Variants in LRRC4C observed in about 807,000 individuals in gnomAD.
The protein encoded by LRRC4C is leucine rich repeat containing 4C, also known as leucine-rich repeat-containing protein 4C.
A neutral mutation model predicts 33.6 loss-of-function variants in LRRC4C; 5 were observed. The observed-to-expected ratio is 0.15, with a 90% CI of 0.08 to 0.31. The LOEUF is 0.31. Ranked by LOEUF, LRRC4C falls within the 10% of genes least tolerant of loss-of-function variation. LRRC4C has a pLI of 1.00. For synonymous variants in LRRC4C, 329 were observed against 302.0 expected (o/e 1.09, Z -0.93); for missense variants, 560 against 796.7 (o/e 0.70, Z 3.58).
intron 1 of LRRC4C, among the ~76,000 whole-genome samples, chr11:41,284,523 T>C (rs1949763547): frequency 6.6e-6 from 1 of 152,150 alleles, no homozygotes; most frequent in Non-Finnish European, 1.5e-5. Flanking sequence ...ATTACACATA[T>C]TGCTAATTAC....
chr11:40,331,710 T>C (rs779215559), intron 3 of LRRC4C, among the ~76,000 whole-genome samples: 4 of 152,150 alleles, frequency 2.6e-5, no homozygotes, highest in Non-Finnish European at 5.9e-5. Flanking sequence ...GACATGCATC[T>C]TCTCCTGCCG....
chr11:41,126,222 A>G (rs922631633), intron 1 of LRRC4C, among the ~76,000 whole-genome samples: 1 of 151,998 alleles, frequency 6.6e-6, no homozygotes, highest in South Asian at 2.1e-4. Flanking sequence ...AAAAATTGTC[A>G]TTTTTTAAGT....
At chr11:41,204,367 C>T (rs975081150) in intron 1 of LRRC4C, among the ~76,000 whole-genome samples, 1 of 152,176 alleles carries the variant, frequency 6.6e-6, no homozygotes, top group Admixed American at 6.5e-5. Flanking sequence ...GAACAGTTAA[C>T]CTCTTGGGTG....
intron 5 of LRRC4C, among the ~76,000 whole-genome samples, chr11:40,158,825 C>T (rs1266769120): frequency 6.6e-6 from 1 of 152,080 alleles, no homozygotes; most frequent in Non-Finnish European, 1.5e-5. Context: ...TAAATGAATG[C>T]TACTGTCTTC....
chr11:41,336,435 A>C (rs2137421951), intron 1 of LRRC4C, among the ~76,000 whole-genome samples: 1 of 122,492 alleles, frequency 8.2e-6, no homozygotes, highest in Middle Eastern at 4.2e-3. Context: ...AAAAAATAAA[A>C]GGTGGGGAAA....
chr11:40,154,534 A>T lies in LRRC4C; in HGVS notation c.-95-13681T>A, dbSNP rs569205661. Reference sequence around the variant, plus strand: ...GGGTGGAAAAAGCAAATGAACACCAAAAGTGAGCCAGGGTAGTTATTCCTA... The same window carrying T: ...GGGTGGAAAAAGCAAATGAACACCATAAGTGAGCCAGGGTAGTTATTCCTA... On this transcript the variant is annotated intron_variant, in intron 5 of 6. Coordinates refer to ENST00000528697, the MANE Select transcript of LRRC4C (RefSeq NM_001258419.2). Among the ~76,000 whole-genome samples the T allele has an allele frequency of 2.0e-5, 3 of 152,338 alleles. No homozygotes were observed. In the East Asian group the frequency reaches 5.8e-4, roughly 29 times the overall value.
intron 5 of LRRC4C, among the ~76,000 whole-genome samples, chr11:40,161,712 G>A (rs1263979897): frequency 5.3e-5 from 8 of 152,026 alleles, no homozygotes; most frequent in South Asian, 4.1e-4. Context: ...AGCCGAGATC[G>A]CGCCACTGCA....
chr11:40,996,667 T>C (rs1853996369), intron 1 of LRRC4C, among the ~76,000 whole-genome samples: 1 of 152,138 alleles, frequency 6.6e-6, no homozygotes, highest in Non-Finnish European at 1.5e-5. Flanking sequence ...CTGCAGAGTG[T>C]ACAAGAAGCA....
chr11:40,792,653 T>G (rs1013324322), intron 2 of LRRC4C, among the ~76,000 whole-genome samples: 1 of 152,074 alleles, frequency 6.6e-6, no homozygotes, highest in African/African-American at 2.4e-5. Flanking sequence ...ACCCAAAGGA[T>G]TATAAATCAT....
At chr11:41,217,120 A>T (rs941001052) in intron 1 of LRRC4C, among the ~76,000 whole-genome samples, 1 of 152,188 alleles carries the variant, frequency 6.6e-6, no homozygotes, top group African/African-American at 2.4e-5. Context: ...TTATATGGAC[A>T]GTGAGTTTGG....
At chr11:41,139,218 A>C (rs1943397607) in intron 1 of LRRC4C, among the ~76,000 whole-genome samples, 1 of 152,216 alleles carries the variant, frequency 6.6e-6, no homozygotes, top group Admixed American at 6.5e-5. Context: ...TTTTCAGTTA[A>C]GAATAACAAC....
intron 3 of LRRC4C, among the ~76,000 whole-genome samples, chr11:40,604,517 A>G (rs948785481): frequency 6.6e-6 from 1 of 152,090 alleles, no homozygotes; most frequent in Non-Finnish European, 1.5e-5. Flanking sequence ...TAACATCATA[A>G]TATAGCGGAA....
At chr11:40,956,002 A>C (rs1437181262) in intron 1 of LRRC4C, among the ~76,000 whole-genome samples, 1 of 151,850 alleles carries the variant, frequency 6.6e-6, no homozygotes, top group Non-Finnish European at 1.5e-5. Context: ...TCATATTGAC[A>C]GAGCCCTTAA....
At position 40,402,644 on chromosome 11, in the gene LRRC4C, C is replaced by T. The variant is rs552371447; in HGVS notation, c.-269-82923G>A. Reference sequence around the variant, plus strand: ...CAGTTTGTTCATTTCTATATATTCTCCCCTAAACAATAATCAATTCAAGAC... The same window carrying T: ...CAGTTTGTTCATTTCTATATATTCTTCCCTAAACAATAATCAATTCAAGAC... On this transcript the variant is annotated intron_variant, in intron 3 of 6. Transcript: ENST00000528697. Among the ~76,000 whole-genome samples the T allele has an allele frequency of 2.6e-5, 4 of 152,156 alleles. No individual in the cohort carries two copies. The South Asian group carries it at 6.2e-4, about 24-fold the overall frequency.
chr11:40,693,678 T>C (rs1945336977), intron 2 of LRRC4C, among the ~76,000 whole-genome samples: 1 of 152,104 alleles, frequency 6.6e-6, no homozygotes, highest in South Asian at 2.1e-4. Flanking sequence ...AAAAGAGTTA[T>C]TTTGAGCCAC....
chr11:41,375,081 G>C (rs926465161), intron 1 of LRRC4C, among the ~76,000 whole-genome samples: 17 of 151,992 alleles, frequency 1.1e-4, no homozygotes, highest in Non-Finnish European at 1.5e-5. Context: ...GAGCTGTGAT[G>C]GTACCACTGC....
intron 1 of LRRC4C, among the ~76,000 whole-genome samples, chr11:41,192,734 A>G (rs1946013944): frequency 6.6e-6 from 1 of 152,118 alleles, no homozygotes; most frequent in Non-Finnish European, 1.5e-5. Context: ...AAGCAAAATC[A>G]TTACAGGACA....
intron 4 of LRRC4C, among the ~76,000 whole-genome samples, chr11:40,274,414 G>GAC (rs758404396): frequency 0.021 from 1,349 of 63,110 alleles, 10 homozygotes; most frequent in Non-Finnish European, 0.034. Flanking sequence ...CTGCGGAATA[G>GAC]ACACACACAT....
intron 1 of LRRC4C, among the ~76,000 whole-genome samples, chr11:40,973,848 G>C (rs989304572): frequency 2.0e-5 from 3 of 151,858 alleles, no homozygotes; most frequent in African/African-American, 4.8e-5. Context: ...TCAAGCAACT[G>C]TCTAGGTGGA....
Sources: gnomAD v4.1 joint callset for allele counts (sites outside exome capture counted in the v4.1 genomes callset) on GRCh38, gnomAD v4.1.1 for gene constraint, MANE v1.5 for transcripts, NCBI Gene and HGNC (gene_info 2026-07-23, HGNC 2026-07-21) for gene names.